ADAD1: variants seen among roughly 807,000 people sequenced by gnomAD.
The protein encoded by ADAD1 is adenosine deaminase domain containing 1.
Under a neutral mutation model 66.8 loss-of-function variants are expected in ADAD1, and 46 were observed. That is an observed-to-expected ratio of 0.69 (90% CI 0.54 to 0.88). ADAD1 has a LOEUF of 0.88. Ranked by LOEUF, ADAD1 falls within the 40% of genes least tolerant of loss-of-function variation. The pLI is 0.00. For missense variants in ADAD1, 617 were observed against 681.8 expected, an observed-to-expected ratio of 0.91 and a Z score of 1.06; for synonymous variants, 248 against 229.4, an observed-to-expected ratio of 1.08 and a Z score of -0.73.
rs770732885 is a variant in ADAD1 at position 122,383,866 on chromosome 4, G to A, written c.429G>A (p.Leu143=). ...ATGGTATTCAGTACAAGACTGGACT[G>A]GGACAAAATAAAAAGGAGTCTAGAT... is the stretch of plus-strand genomic sequence containing the variant. ...VVDGIQYKTG[L]GQNKKESRSN... Residue 143 remains leucine, a synonymous_variant, in exon 5 of 13, where the codon CTG becomes CTA. Coordinates refer to ENST00000296513, the MANE Select transcript of ADAD1 (RefSeq NM_139243.4). 23 of 1,613,940 alleles carry A rather than the reference G, an allele frequency of 1.4e-5. No homozygotes were observed. Among genetic ancestry groups the A allele is most frequent in the Non-Finnish European group, 1.9e-5 (22 of 1,179,926 alleles).
chr4:122,409,843 G>C (rs1383460647), intron 8 of ADAD1, among the ~76,000 whole-genome samples: 1 of 152,096 alleles, frequency 6.6e-6, no homozygotes, highest in Non-Finnish European at 1.5e-5. Context: ...GGGATTACAG[G>C]CACCTGCCAC....
At chr4:122,421,185 T>C in intron 11 of ADAD1, 76 bp from the exon 12 acceptor site, 1 of 1,172,170 alleles carries the variant, frequency 8.5e-7, no homozygotes, top group Non-Finnish European at 1.1e-6. Flanking sequence ...TAGATCCATA[T>C]TGATTTTAAT....
At chr4:122,415,264 G>A (rs1796676457) in intron 10 of ADAD1, 115 bp from the exon 11 acceptor site, 1 of 767,766 alleles carries the variant, frequency 1.3e-6, no homozygotes, top group African/African-American at 1.8e-5. Context: ...GAAAGGGAAG[G>A]TTGAAAGATA....
chr4:122,419,465 C>A (rs1204380808), intron 11 of ADAD1, among the ~76,000 whole-genome samples: 1 of 152,132 alleles, frequency 6.6e-6, no homozygotes, highest in East Asian at 1.9e-4. Flanking sequence ...ATAGTCTGTA[C>A]AACAAACCCC....
chr4:122,401,837 T>C (rs1017247853), intron 7 of ADAD1, among the ~76,000 whole-genome samples: 3 of 152,132 alleles, frequency 2.0e-5, no homozygotes, highest in Non-Finnish European at 4.4e-5. Flanking sequence ...TGGTTTCCAT[T>C]TGCATGGAGT....
At chr4:122,407,094 C>G (rs1013892150) in intron 7 of ADAD1, among the ~76,000 whole-genome samples, 7 of 151,708 alleles carry the variant, frequency 4.6e-5, no homozygotes, top group Admixed American at 1.3e-4. Context: ...AAAAAAATGA[C>G]AAGAACTGCA....
At chr4:122,387,710 C>A (rs1795238518) in intron 5 of ADAD1, among the ~76,000 whole-genome samples, 1 of 150,598 alleles carries the variant, frequency 6.6e-6, no homozygotes, top group Non-Finnish European at 1.5e-5. Flanking sequence ...TATTTTGAGA[C>A]ATGTTCCATC....
intron 8 of ADAD1, among the ~76,000 whole-genome samples, chr4:122,409,890 G>A (rs914272306): frequency 9.2e-5 from 14 of 151,994 alleles, no homozygotes; most frequent in African/African-American, 3.1e-4. Flanking sequence ...AGTAGAGAAT[G>A]TTGCTGGTCT....
chr4:122,422,650 A>C lies in ADAD1; in HGVS notation c.1617+1260A>C, dbSNP rs527744939. ...TTAAGTATAAAAGCTTTTCTAGACT[A>C]TTTCTAGTTTTGTGGCATAAAGAAG... On this transcript the variant is annotated intron_variant, in intron 12 of 12. Transcript: ENST00000296513. 6.6e-5 allele frequency among the ~76,000 whole-genome samples: 10 copies of C among 152,260 alleles called. 1 individual carries two copies. In the South Asian group the frequency reaches 2.1e-3, roughly 32 times the overall value.
intron 5 of ADAD1, among the ~76,000 whole-genome samples, chr4:122,387,747 TTTTTTTGTTTTTTG>T (rs1273217469): frequency 6.6e-6 from 1 of 151,816 alleles, no homozygotes; most frequent in Non-Finnish European, 1.5e-5. Flanking sequence ...AGAGGTTTTT[TTTTTTTGTTTTTTG>T]TTTTTTGTTT....
At chr4:122,429,446 A>G (rs1361951007) in intron 12 of ADAD1, among the ~76,000 whole-genome samples, 180 bp from the exon 13 acceptor site, 1 of 152,006 alleles carries the variant, frequency 6.6e-6, no homozygotes, top group African/African-American at 2.4e-5. Flanking sequence ...AAGGAGAATA[A>G]TTGCTCTTTA....
intron 12 of ADAD1, among the ~76,000 whole-genome samples, chr4:122,422,027 G>A (rs1343462194): frequency 2.7e-5 from 4 of 150,780 alleles, no homozygotes; most frequent in African/African-American, 7.3e-5. Context: ...TCATATATAC[G>A]TATTTGTGTA....
chr4:122,412,480 T>A, intron 9 of ADAD1, 100 bp from the exon 10 acceptor site: 1 of 939,338 alleles, frequency 1.1e-6, no homozygotes. Flanking sequence ...AAATGTACAC[T>A]GGGAAGTTAA....
rs1796454633 is a variant in ADAD1, at chr4:122,411,308, A to G, written c.935A>G (p.Asn312Ser). 4 of 1,613,210 alleles carry G rather than the reference A, an allele frequency of 2.5e-6. No individual in the cohort carries two copies. Among genetic ancestry groups the G allele is most frequent in the Non-Finnish European group, 2.5e-6 (3 of 1,179,662 alleles). Residue 312 changes from asparagine (N) to serine (S), a missense_variant, in exon 9 of 13, where the codon AAT (asparagine) becomes AGT (serine). By Grantham distance (46) the Asn-to-Ser change is conservative. Transcript: ENST00000296513. ...KSIFCTEPTS[N>S]LLTLKQNINI... Reference sequence around the variant, plus strand: ...ATATTTTGTACAGAACCAACTTCTAATCTACTCACTCTTAAACAGAATATC... The same window carrying G: ...ATATTTTGTACAGAACCAACTTCTAGTCTACTCACTCTTAAACAGAATATC...
At chr4:122,421,161 C>A in intron 11 of ADAD1, 100 bp from the exon 12 acceptor site, 1 of 936,716 alleles carries the variant, frequency 1.1e-6, no homozygotes, top group Non-Finnish European at 1.4e-6. Context: ...TGCAAATAAT[C>A]AAGAAATATT....
At chr4:122,409,015 C>T (rs1796354001) in intron 8 of ADAD1, among the ~76,000 whole-genome samples, 1 of 152,146 alleles carries the variant, frequency 6.6e-6, no homozygotes, top group Non-Finnish European at 1.5e-5. Context: ...CTGAATTAGC[C>T]ATAATTGTCC....
intron 4 of ADAD1, among the ~76,000 whole-genome samples, chr4:122,382,921 G>A (rs900983736): frequency 4.6e-5 from 7 of 152,124 alleles, no homozygotes; most frequent in African/African-American, 1.7e-4. Flanking sequence ...ATATTAAAGA[G>A]TTAATGTAAT....
rs570962451 is a variant in ADAD1 at position 122,426,487 on chromosome 4, C to T, written c.1618-3139C>T. Among the ~76,000 whole-genome samples, 40 of 152,222 alleles carry T rather than the reference C, an allele frequency of 2.6e-4. 1 individual carries two copies. In the East Asian group the frequency reaches 7.3e-3, roughly 28 times the overall value. The stretch of plus-strand genomic sequence containing the variant: ...CACTTCTCTACTCATTTTACAAGTC[C>T]AGTGTTACCCTGGTACCAAAAGTGG... On this transcript the variant is annotated intron_variant, in intron 12 of 12. Transcript: ENST00000296513.
At chr4:122,387,951 G>A (rs1377530418) in intron 5 of ADAD1, among the ~76,000 whole-genome samples, 1 of 151,966 alleles carries the variant, frequency 6.6e-6, no homozygotes, top group Non-Finnish European at 1.5e-5. Flanking sequence ...AGTAGAAACA[G>A]GGTTTTACCG....
Sources: gnomAD v4.1 joint callset for allele counts (sites outside exome capture counted in the v4.1 genomes callset) on GRCh38, gnomAD v4.1.1 for gene constraint, MANE v1.5 for transcripts, NCBI Gene and HGNC (gene_info 2026-07-23, HGNC 2026-07-21) for gene names.